Variants in RC3H1 observed in about 807,000 individuals in gnomAD.
RC3H1 encodes roquin-1.
A neutral mutation model predicts 138.2 loss-of-function variants in RC3H1; 50 were observed. The observed-to-expected ratio is 0.36, with a 90% CI of 0.29 to 0.46. The LOEUF (loss-of-function observed/expected upper bound fraction) is 0.46, where lower values mean the gene tolerates loss of function less well. RC3H1 is among the 20% of genes least tolerant of loss of function. The probability of loss-of-function intolerance (pLI) is 1.00; values close to 1 mark genes in which losing one functional copy is unlikely to be tolerated. For synonymous variants in RC3H1, 462 were observed against 489.1 expected (o/e 0.94, Z 0.73); for missense variants, 1,031 against 1,388.1 (o/e 0.74, Z 4.09).
At chr1:174,016,247 T>G (rs189783655) in intron 1 of RC3H1, 6 of 152,228 alleles carry the variant, frequency 3.9e-5, no homozygotes, top group Admixed American at 3.9e-4. Context: ...TTGAGTACAT[T>G]AGCTTTCCAC....
At chr1:173,988,009 T>G (rs1028019162) in intron 2 of RC3H1, among the ~76,000 whole-genome samples, 2 of 152,310 alleles carry the variant, frequency 1.3e-5, no homozygotes, top group Middle Eastern at 3.4e-3. Context: ...AAGACTAGAG[T>G]ACACTGCTTA....
chr1:174,013,430 ATAT>A (rs572168536), intron 1 of RC3H1, among the ~76,000 whole-genome samples: 4 of 151,376 alleles, frequency 2.6e-5, no homozygotes, highest in South Asian at 2.1e-4. Flanking sequence ...ATACAATGGA[ATAT>A]TATTATTATT....
At chr1:173,987,828 A>C (rs1661094397) in intron 2 of RC3H1, among the ~76,000 whole-genome samples, 1 of 152,150 alleles carries the variant, frequency 6.6e-6, no homozygotes, top group African/African-American at 2.4e-5. Context: ...AAATGAGTTC[A>C]TACTGATGCC....
intron 14 of RC3H1, among the ~76,000 whole-genome samples, chr1:173,951,673 A>C (rs1659406795): frequency 6.6e-6 from 1 of 152,118 alleles, no homozygotes; most frequent in Admixed American, 6.6e-5. Flanking sequence ...ATTTTAACTT[A>C]TTTGGTGAAG....
intron 2 of RC3H1, among the ~76,000 whole-genome samples, chr1:173,987,259 T>C (rs1043830928): frequency 3.3e-5 from 5 of 152,226 alleles, no homozygotes; most frequent in East Asian, 1.9e-4. Context: ...AGAATATCTA[T>C]GTAATTAATT....
chr1:173,995,150 A>C (rs776532344), intron 1 of RC3H1, among the ~76,000 whole-genome samples: 13 of 152,160 alleles, frequency 8.5e-5, no homozygotes, highest in Admixed American at 3.3e-4. Flanking sequence ...TGCTGAACGA[A>C]AGTTAAGGGA....
Position 173,970,527 on chromosome 1 carries a change from G to A in RC3H1, c.1312C>T (p.His438Tyr), listed in dbSNP as rs752038740. 6.2e-7 allele frequency: 1 copy of A among 1,613,100 alleles called. No homozygotes were observed. Among genetic ancestry groups the A allele is most frequent in the Non-Finnish European group, 8.5e-7 (1 of 1,179,180 alleles). ...CPRGASCTFAHSQEELEKFRK... is the reference protein window; with the variant it reads ...CPRGASCTFAYSQEELEKFRK... ...TACTTTTCCAGTTCCTCCTGTGAGT[G>A]TGCAAATGTACAGCTGGCCCCACGA... The change falls in exon 9 of 20, where the codon CAC becomes TAC. Residue 438 changes from histidine to tyrosine, a missense_variant. Physicochemically the swap from His to Tyr is moderately conservative, Grantham distance 83. Around this residue, in one of 7 missense-constraint regions of RC3H1, gnomAD observed 142 missense variants for 224.6 expected, o/e 0.63. Transcript: ENST00000367696.
intron 1 of RC3H1, among the ~76,000 whole-genome samples, chr1:174,013,665 C>T (rs1304337475): frequency 6.6e-6 from 1 of 151,960 alleles, no homozygotes; most frequent in Admixed American, 6.5e-5. Context: ...TGGTCTTGAT[C>T]GCCTGACCTC....
chr1:173,978,399 C>A, intron 7 of RC3H1, 89 bp downstream of exon 7: 5 of 1,426,638 alleles, frequency 3.5e-6, no homozygotes, highest in South Asian at 1.4e-5. Flanking sequence ...TTTGGGAAAC[C>A]CTAGAGGAAC....
chr1:174,020,962 T>C (rs1051559994), intron 1 of RC3H1, among the ~76,000 whole-genome samples: 4 of 152,150 alleles, frequency 2.6e-5, no homozygotes, highest in East Asian at 3.9e-4. Flanking sequence ...TGAGCCGAGA[T>C]TGTGCCACTG....
chr1:173,949,120 C>T (rs1659266849), intron 14 of RC3H1, among the ~76,000 whole-genome samples: 2 of 76,620 alleles, frequency 2.6e-5, no homozygotes, highest in South Asian at 9.0e-4. Flanking sequence ...CTAAAACTCT[C>T]TATTTTTTTG....
chr1:174,016,481 A>G (rs1456265541), intron 1 of RC3H1, among the ~76,000 whole-genome samples: 1 of 143,266 alleles, frequency 7.0e-6, no homozygotes, highest in Non-Finnish European at 1.5e-5. Flanking sequence ...CTGGTCTGGA[A>G]CTCCTGGCTT....
At position 173,945,930 on chromosome 1, in the gene RC3H1, A is replaced by T. The variant is rs118154539; in HGVS notation, c.2961+546T>A. ...CACTATGTTGGCCAGACTGTTCTCAAACTCCTGATCTTGTGATCCACTTGC... is the reference window on the plus strand; with the variant it reads ...CACTATGTTGGCCAGACTGTTCTCATACTCCTGATCTTGTGATCCACTTGC... On this transcript the variant is annotated intron_variant, in intron 17 of 19. Coordinates refer to ENST00000367696, the MANE Select transcript of RC3H1 (RefSeq NM_172071.4). Among the ~76,000 whole-genome samples, 383 of 151,978 alleles carry T rather than the reference A, an allele frequency of 2.5e-3. 15 individuals are homozygous for T. In the East Asian group the frequency reaches 0.057, roughly 23 times the overall value.
Position 173,993,015 on chromosome 1 carries a change from AACAC to A in RC3H1, c.-34_-31del. On this transcript the variant is annotated 5_prime_UTR_variant, in exon 2 of 20. Coordinates refer to ENST00000367696, the MANE Select transcript of RC3H1 (RefSeq NM_172071.4). Reference sequence around the variant, plus strand: ...TCTGGAGTTACAATTCACGAACACAAACACACACACAAATCTAAAGCAAAGATTC... The same window carrying A: ...TCTGGAGTTACAATTCACGAACACAAACACACAAATCTAAAGCAAAGATTC... 1 of 1,445,534 alleles carries A rather than the reference AACAC, an allele frequency of 6.9e-7. No individual in the cohort carries two copies. The highest frequency in any genetic ancestry group is 9.7e-7 in the Non-Finnish European group (1 of 1,027,224). The allele number at this position is 1,445,534 out of a possible 1,614,324, so 89.5% of individuals were successfully genotyped here.
At chr1:173,955,821 CTCT>C (rs1444940030) in intron 13 of RC3H1, among the ~76,000 whole-genome samples, 6 of 152,108 alleles carry the variant, frequency 3.9e-5, no homozygotes, top group African/African-American at 1.4e-4. Context: ...TAACACTGCT[CTCT>C]TCTTCAAAGA....
intron 1 of RC3H1, among the ~76,000 whole-genome samples, chr1:174,007,224 C>T (rs1048859135): frequency 6.6e-6 from 1 of 151,994 alleles, no homozygotes; most frequent in Non-Finnish European, 1.5e-5. Flanking sequence ...ACCATCTCTA[C>T]TAAAAATACA....
chr1:173,991,312 C>A (rs1337734198), intron 2 of RC3H1, among the ~76,000 whole-genome samples: 1 of 152,218 alleles, frequency 6.6e-6, no homozygotes, highest in Non-Finnish European at 1.5e-5. Context: ...TACTTATATA[C>A]TCATCTTATA....
Position 173,938,524 on chromosome 1 carries a change from A to G in RC3H1, c.*197T>C, listed in dbSNP as rs1658693919. 1 of 393,112 alleles carries G rather than the reference A, an allele frequency of 2.5e-6. No individual in the cohort carries two copies. Among genetic ancestry groups the G allele is most frequent in the Admixed American group, 4.3e-5 (1 of 23,290 alleles). The allele number at this position is 393,112 out of a possible 1,614,324, so 24.4% of individuals were successfully genotyped here. On this transcript the variant is annotated 3_prime_UTR_variant, in exon 20 of 20. Transcript: ENST00000367696. ...ATACTGCTAATTTTCTTTTTCTTTA[A>G]ATTAAAAAAATGCATTAATGTGAAC...
intron 2 of RC3H1, 53 bp downstream of exon 2, chr1:173,992,702 A>G: frequency 9.9e-7 from 1 of 1,005,570 alleles, no homozygotes; most frequent in South Asian, 1.7e-5. Flanking sequence ...ACACACACAG[A>G]GAGAGAGAGA....
Sources: gnomAD v4.1 joint callset for allele counts (sites outside exome capture counted in the v4.1 genomes callset) on GRCh38, gnomAD v4.1.1 for gene constraint, gnomAD v4.1.1 regional missense constraint, MANE v1.5 for transcripts, NCBI Gene and HGNC (gene_info 2026-07-23, HGNC 2026-07-21) for gene names.